ZNF362: variants seen among roughly 807,000 people sequenced by gnomAD.
The protein encoded by ZNF362 is zinc finger protein 362.
A neutral mutation model predicts 42.9 loss-of-function variants in ZNF362; 11 were observed. That is an observed-to-expected ratio of 0.26 (90% confidence interval 0.16 to 0.42). The LOEUF (loss-of-function observed/expected upper bound fraction) is 0.42. ZNF362 is among the 20% of genes least tolerant of loss of function. The pLI is 1.00. For synonymous variants in ZNF362, 255 were observed against 257.3 expected (o/e 0.99, Z 0.09); for missense variants, 362 against 576.2 (o/e 0.63, Z 3.81).
chr1:33,208,239 G>A, the ZNF362 span, among the ~76,000 whole-genome samples: 1 of 152,070 alleles, frequency 6.6e-6, no homozygotes, highest in Admixed American at 6.6e-5. Context: ...ATATCAGATG[G>A]TTGTAGACGT....
chr1:33,191,089 G>C, the ZNF362 span, among the ~76,000 whole-genome samples: 88 of 152,238 alleles, frequency 5.8e-4, 1 homozygote, highest in African/African-American at 2.1e-3. Flanking sequence ...TTCTTATTTT[G>C]TTTCACCAGC....
chr1:33,193,056 C>T, the ZNF362 span, among the ~76,000 whole-genome samples: 34 of 149,266 alleles, frequency 2.3e-4, no homozygotes, highest in Admixed American at 3.4e-4. Flanking sequence ...GGTTTACTTT[C>T]ATTGACTATG....
chr1:33,213,780 G>A, the ZNF362 span, among the ~76,000 whole-genome samples: 22 of 152,236 alleles, frequency 1.4e-4, no homozygotes, highest in Middle Eastern at 3.4e-3. Flanking sequence ...GGGAGGCAAA[G>A]GTTGCAGTGA....
the ZNF362 span, among the ~76,000 whole-genome samples, chr1:33,169,297 C>T: frequency 3.3e-5 from 5 of 152,188 alleles, 1 homozygote; most frequent in African/African-American, 1.2e-4. Context: ...CCAGAAACCT[C>T]GGAGTGAGAG....
chr1:33,222,663 A>C, the ZNF362 span, among the ~76,000 whole-genome samples: 7 of 152,294 alleles, frequency 4.6e-5, no homozygotes, highest in East Asian at 7.7e-4. Flanking sequence ...TACCAAGCTC[A>C]TTTCAGCCTC....
At chr1:33,155,701 C>A in the ZNF362 span, among the ~76,000 whole-genome samples, 1 of 152,180 alleles carries the variant, frequency 6.6e-6, no homozygotes, top group Non-Finnish European at 1.5e-5. Context: ...AATAACACTT[C>A]CCACTTCTCA....
the ZNF362 span, among the ~76,000 whole-genome samples, chr1:33,208,925 G>A: frequency 1.3e-5 from 2 of 152,052 alleles, no homozygotes. Context: ...TCTTTCTCCT[G>A]CCTGATTGCC....
At chr1:33,189,369 C>G in the ZNF362 span, among the ~76,000 whole-genome samples, 1 of 151,876 alleles carries the variant, frequency 6.6e-6, no homozygotes, top group Non-Finnish European at 1.5e-5. Context: ...CCTGCTCAGG[C>G]CTAGTTCATG....
At chr1:33,175,558 C>A in the ZNF362 span, among the ~76,000 whole-genome samples, 5 of 152,158 alleles carry the variant, frequency 3.3e-5, no homozygotes, top group African/African-American at 1.2e-4. Flanking sequence ...GATGGTTTCT[C>A]AGGTTCCTCC....
At chr1:33,267,545 T>C in intron 1 of ZNF362, among the ~76,000 whole-genome samples, 1 of 152,166 alleles carries the variant, frequency 6.6e-6, no homozygotes, top group Admixed American at 6.5e-5. Context: ...ATGGATCCAG[T>C]GTCAGGGTGG....
chr1:33,215,139 T>C, the ZNF362 span, among the ~76,000 whole-genome samples: 1 of 152,232 alleles, frequency 6.6e-6, no homozygotes, highest in Non-Finnish European at 1.5e-5. Flanking sequence ...GTTGTACATG[T>C]ACACAGTGGA....
intron 4 of ZNF362, among the ~76,000 whole-genome samples, chr1:33,279,051 G>T (rs887224929): frequency 4.6e-5 from 7 of 152,008 alleles, no homozygotes; most frequent in Admixed American, 3.3e-4. Flanking sequence ...TAAGAGTAGG[G>T]TCTTGTTCTG....
At position 33,295,014 on chromosome 1, in the gene ZNF362, A is replaced by C; in HGVS notation, c.986A>C (p.Gln329Pro). ...GCTTTCACTCAGCTCTCCAACCTCC[A>C]GGTGAGTGCCTGCCTGCCTCCTGCC... Reference protein sequence around the residue: ...EKAFTQLSNLQSHQRQHNKDK... With the variant: ...EKAFTQLSNLPSHQRQHNKDK... Residue 329 changes from glutamine (Q) to proline (P), a missense_variant and splice_region_variant, in exon 7 of 9, where the codon CAG (glutamine) becomes CCG (proline). This residue lies in a region of ZNF362 where 28 missense variants were observed against 103.4 expected (regional missense o/e 0.27). Coordinates refer to ENST00000539719, the MANE Select transcript of ZNF362 (RefSeq NM_152493.3). 1 of 1,614,120 alleles carries C rather than the reference A, an allele frequency of 6.2e-7. No individual in the cohort carries two copies. Among genetic ancestry groups the C allele is most frequent in the Non-Finnish European group, 8.5e-7 (1 of 1,179,986 alleles).
chr1:33,279,615 C>T (rs1645975966), intron 4 of ZNF362, among the ~76,000 whole-genome samples: 1 of 149,938 alleles, frequency 6.7e-6, no homozygotes, highest in Non-Finnish European at 1.5e-5. Context: ...TTAAAACGCT[C>T]ATTGTCAAAG....
At chr1:33,239,632 G>A in the ZNF362 span, among the ~76,000 whole-genome samples, 1 of 152,072 alleles carries the variant, frequency 6.6e-6, no homozygotes, top group Non-Finnish European at 1.5e-5. Flanking sequence ...GTGCAAGCAG[G>A]GGAAATGCTA....
chr1:33,288,743 CAAAAAAA>C lies in ZNF362; in HGVS notation c.909-6181_909-6175del, dbSNP rs60197226. ...TCGGCGATAGAGCGAGACTCTGTCT[CAAAAAAA>C]AAAAAAAAAAAAGAAGCGTGACCAC... On this transcript the variant is annotated intron_variant, in intron 6 of 8. Transcript: ENST00000539719. Among the ~76,000 whole-genome samples, 49 of 27,362 alleles carry C rather than the reference CAAAAAAA, an allele frequency of 1.8e-3. 4 individuals are homozygous for C. In the South Asian group the frequency reaches 0.14, roughly 80 times the overall value. The allele number at this position is 27,362 out of a possible 152,430, so 18.0% of individuals were successfully genotyped here.
At chr1:33,286,123 C>T (rs1308784175) in intron 6 of ZNF362, among the ~76,000 whole-genome samples, 2 of 152,160 alleles carry the variant, frequency 1.3e-5, no homozygotes, top group Non-Finnish European at 2.9e-5. Context: ...TCATTGTAAG[C>T]ATCCCTCCTT....
At chr1:33,235,039 CCT>C in the ZNF362 span, among the ~76,000 whole-genome samples, 1 of 152,118 alleles carries the variant, frequency 6.6e-6, no homozygotes, top group East Asian at 1.9e-4. Context: ...GCTTGACTCT[CCT>C]CTGTTAGTCA....
At chr1:33,253,133 G>A (rs1041751785), upstream of ZNF362, among the ~76,000 whole-genome samples, 12 of 150,150 alleles carry the variant, frequency 8.0e-5, no homozygotes, top group Admixed American at 3.3e-4. Context: ...GAGGAGAAAA[G>A]GACTAAGAAT....
Sources: gnomAD v4.1 joint callset for allele counts (sites outside exome capture counted in the v4.1 genomes callset) on GRCh38, gnomAD v4.1.1 for gene constraint, gnomAD v4.1.1 regional missense constraint, MANE v1.5 for transcripts, NCBI Gene and HGNC (gene_info 2026-07-23, HGNC 2026-07-21) for gene names.